The following STK4 variants were observed in gnomAD, a reference collection of about 807,000 sequenced individuals.
The protein encoded by STK4 is serine/threonine kinase 4, also known as serine/threonine-protein kinase 4.
STK4 carries 30 observed loss-of-function variants against 64.9 expected under a neutral mutation model. The observed-to-expected ratio is 0.46, with a 90% CI of 0.35 to 0.63. The LOEUF (loss-of-function observed/expected upper bound fraction) is 0.63. STK4 is among the 20% of genes least tolerant of loss of function. The probability of loss-of-function intolerance (pLI) is 0.01; values close to 1 mark genes in which losing one functional copy is unlikely to be tolerated. For missense variants in STK4, 466 were observed against 598.5 expected (o/e 0.78, Z 2.31); for synonymous variants, 177 against 199.0 (o/e 0.89, Z 0.93).
intron 9 of STK4, among the ~76,000 whole-genome samples, chr20:45,023,988 C>T (rs1485074268): frequency 6.7e-6 from 1 of 149,182 alleles, no homozygotes; most frequent in Non-Finnish European, 1.5e-5. Context: ...GCAAGCTCTG[C>T]CTCCCGGGTT....
At chr20:44,990,409 T>A (rs553498731) in intron 5 of STK4, among the ~76,000 whole-genome samples, 51 of 152,124 alleles carry the variant, frequency 3.4e-4, no homozygotes, top group Admixed American at 2.8e-3. Context: ...TTTTTTTTTT[T>A]AAATTAACTG....
At chr20:45,042,464 A>G (rs531952424) in intron 10 of STK4, among the ~76,000 whole-genome samples, 2 of 152,152 alleles carry the variant, frequency 1.3e-5, no homozygotes, top group Non-Finnish European at 2.9e-5. Flanking sequence ...ATGATGCAGA[A>G]CTTTTCTCAT....
At chr20:45,025,595 T>C (rs1451679560) in intron 10 of STK4, among the ~76,000 whole-genome samples, 4 of 152,222 alleles carry the variant, frequency 2.6e-5, no homozygotes, top group African/African-American at 9.6e-5. Flanking sequence ...CAGTTTCATA[T>C]GAAAAACTGG....
At chr20:45,029,696 A>G (rs2299976) in intron 10 of STK4, among the ~76,000 whole-genome samples, 66,355 of 152,054 alleles carry the variant, frequency 0.44, 15,103 homozygotes, top group Middle Eastern at 0.54. Context: ...TACCCCAGGC[A>G]GACTGAATAG....
intron 10 of STK4, among the ~76,000 whole-genome samples, chr20:45,064,905 T>C (rs532002461): frequency 4.1e-4 from 62 of 152,212 alleles, no homozygotes; most frequent in Non-Finnish European, 6.8e-4. Context: ...AAACAGATAG[T>C]TTGACTTCCC....
chr20:44,997,055 T>C lies in STK4; in HGVS notation c.694-114T>C, dbSNP rs1022867767. 14 of 1,474,632 alleles carry C rather than the reference T, an allele frequency of 9.5e-6. No individual in the cohort carries two copies. In the South Asian group the frequency reaches 1.6e-4, roughly 17 times the overall value. The allele number at this position is 1,474,632 out of a possible 1,614,324, so 91.3% of individuals were successfully genotyped here. On this transcript the variant is annotated intron_variant, in intron 6 of 10. Transcript: ENST00000372806. ...GTTGGAATTTGGGTGAGCTTCTCAG[T>C]GGGTAAGTGAAAAATCATTTACCAA...
chr20:45,034,760 A>G (rs2068499955), intron 10 of STK4, among the ~76,000 whole-genome samples: 1 of 151,788 alleles, frequency 6.6e-6, no homozygotes. Flanking sequence ...AAAAAAAAGG[A>G]AAAAAAATTA....
intron 6 of STK4, among the ~76,000 whole-genome samples, chr20:44,996,866 G>A (rs1039271122): frequency 2.0e-5 from 3 of 151,984 alleles, no homozygotes; most frequent in Non-Finnish European, 2.9e-5. Context: ...CTTAGGTCTC[G>A]CCTTTCTACT....
At chr20:44,967,723 C>G (rs939482350) in intron 1 of STK4, among the ~76,000 whole-genome samples, 3 of 152,194 alleles carry the variant, frequency 2.0e-5, no homozygotes, top group Non-Finnish European at 4.4e-5. Flanking sequence ...GCCTGGGCAG[C>G]ACTCTTAGGG....
chr20:45,068,803 C>T (rs1446825655), intron 10 of STK4, among the ~76,000 whole-genome samples: 1 of 152,160 alleles, frequency 6.6e-6, no homozygotes, highest in Non-Finnish European at 1.5e-5. Context: ...ATAGTGCAGA[C>T]AAAATGTTGA....
At chr20:44,973,726 A>G (rs928573564) in intron 2 of STK4, among the ~76,000 whole-genome samples, 1 of 152,220 alleles carries the variant, frequency 6.6e-6, no homozygotes, top group Admixed American at 6.5e-5. Flanking sequence ...CAAATTGCTT[A>G]CTATTTTGGA....
intron 10 of STK4, among the ~76,000 whole-genome samples, chr20:45,031,077 A>C (rs763270702): frequency 2.8e-4 from 43 of 152,198 alleles, no homozygotes; most frequent in Non-Finnish European, 3.7e-4. Flanking sequence ...AGTGGTGAAC[A>C]AAACAGACCA....
chr20:45,074,564 G>A (rs6103992), intron 10 of STK4, among the ~76,000 whole-genome samples: 15 of 151,894 alleles, frequency 9.9e-5, no homozygotes, highest in African/African-American at 3.6e-4. Flanking sequence ...CATCAGCATC[G>A]ATCCTCCATG....
intron 9 of STK4, among the ~76,000 whole-genome samples, chr20:45,014,763 T>G (rs1233371849): frequency 6.6e-6 from 1 of 152,162 alleles, no homozygotes; most frequent in Non-Finnish European, 1.5e-5. Flanking sequence ...CATGGTTTTC[T>G]TGTCCTTACC....
rs138303188 is a variant in STK4, at chr20:45,045,692, A to G, written c.1305+20562A>G. On this transcript the variant is annotated intron_variant, in intron 10 of 10. Transcript: ENST00000372806. ...ATTTCATTAATTGTTTATGCAAACA[A>G]TTCTTATTGGAGCAATTTAATTTGT... 9.5e-4 allele frequency among the ~76,000 whole-genome samples: 144 copies of G among 152,302 alleles called. 1 individual carries two copies. The highest frequency in any genetic ancestry group is 3.2e-3 in the African/African-American group (134 of 41,552).
intron 10 of STK4, among the ~76,000 whole-genome samples, chr20:45,041,389 T>C (rs1252596569): frequency 6.6e-6 from 1 of 152,132 alleles, no homozygotes; most frequent in East Asian, 1.9e-4. Flanking sequence ...CTGTCCATAC[T>C]TTTCTCTGTT....
intron 10 of STK4, among the ~76,000 whole-genome samples, chr20:45,025,577 A>C (rs2068330197): frequency 6.6e-6 from 1 of 152,158 alleles, no homozygotes; most frequent in African/African-American, 2.4e-5. Flanking sequence ...ATGAATGTAT[A>C]ATTATTCCAG....
intron 1 of STK4, chr20:44,967,157 G>C: frequency 2.0e-6 from 2 of 985,386 alleles, no homozygotes; most frequent in Non-Finnish European, 2.4e-6. Flanking sequence ...TAGCATTTCA[G>C]AGGATGCTGT....
At chr20:45,052,852 T>C (rs1427792510) in intron 10 of STK4, among the ~76,000 whole-genome samples, 1 of 152,220 alleles carries the variant, frequency 6.6e-6, no homozygotes, top group Non-Finnish European at 1.5e-5. Flanking sequence ...GGCAGTGCCA[T>C]GTGAATGCCC....
Sources: allele counts gnomAD v4.1 joint callset (sites outside exome capture counted in the v4.1 genomes callset), GRCh38; gene constraint gnomAD v4.1.1; transcripts MANE v1.5; gene names NCBI Gene and HGNC (gene_info 2026-07-23, HGNC 2026-07-21).